AK9: variants seen among roughly 807,000 people sequenced by gnomAD.
The protein encoded by AK9 is adenylate kinase 9.
In AK9, 191 loss-of-function variants were observed where a neutral mutation model predicts 239.6. The ratio of observed to expected loss-of-function variants is 0.80; its 90% CI spans 0.71 to 0.90. The LOEUF is 0.90. Ranked by LOEUF, AK9 falls within the 40% of genes least tolerant of loss-of-function variation. The probability of loss-of-function intolerance (pLI) is 0.00; values close to 1 mark genes in which losing one functional copy is unlikely to be tolerated. For missense variants in AK9, 1,995 were observed against 2,214.7 expected (o/e 0.90, Z 1.99); for synonymous variants, 689 against 721.0 (o/e 0.96, Z 0.71).
intron 7 of AK9, among the ~76,000 whole-genome samples, chr6:109,658,841 T>C (rs1800042754): frequency 1.3e-5 from 2 of 152,156 alleles, no homozygotes; most frequent in Admixed American, 1.3e-4. Context: ...AGTCATTCTT[T>C]ATAAATTACC....
intron 17 of AK9, among the ~76,000 whole-genome samples, chr6:109,592,816 C>T (rs1176493552): frequency 6.6e-6 from 1 of 151,632 alleles, no homozygotes; most frequent in East Asian, 1.9e-4. Context: ...TTCACATTGA[C>T]GTTAGATAGT....
chr6:109,540,775 C>A (rs916683720), intron 27 of AK9, among the ~76,000 whole-genome samples: 6 of 152,140 alleles, frequency 3.9e-5, no homozygotes, highest in African/African-American at 1.4e-4. Context: ...CTGGCAGGGT[C>A]AATTTCATTC....
In AK9 at chr6:109,616,316, T is replaced by A. The variant is rs191342303; in HGVS notation, c.1400-1836A>T. Among the ~76,000 whole-genome samples, 430 of 152,286 alleles carry A rather than the reference T, an allele frequency of 2.8e-3. 2 individuals carry two copies. Among genetic ancestry groups the A allele is most frequent in the African/African-American group, 0.01 (418 of 41,582 alleles). On this transcript the variant is annotated intron_variant, in intron 13 of 40. Transcript: ENST00000424296. ...TTGGAAAATACATTAGTATAACTGATCAAATCAATAGGTCAAAGGATTAAA... is the reference window on the plus strand; with the variant it reads ...TTGGAAAATACATTAGTATAACTGAACAAATCAATAGGTCAAAGGATTAAA...
intron 5 of AK9, among the ~76,000 whole-genome samples, chr6:109,667,596 C>T (rs1801401416): frequency 6.6e-6 from 1 of 151,568 alleles, no homozygotes; most frequent in Non-Finnish European, 1.5e-5. Flanking sequence ...TGTTCCCCTT[C>T]CTGTGTCCAA....
At chr6:109,571,867 C>T (rs1316650401) in intron 21 of AK9, among the ~76,000 whole-genome samples, 1 of 152,116 alleles carries the variant, frequency 6.6e-6, no homozygotes, top group East Asian at 1.9e-4. Flanking sequence ...ATTGACAAAA[C>T]TTATTTTTCA....
At chr6:109,586,175 TC>T in intron 17 of AK9, 103 bp from the exon 18 acceptor site, 2 of 1,024,190 alleles carry the variant, frequency 2.0e-6, no homozygotes, top group Non-Finnish European at 2.7e-6. Flanking sequence ...TCTTTTGAGT[TC>T]TTCTTTCAAA....
chr6:109,646,189 C>G (rs1403811103), intron 8 of AK9, among the ~76,000 whole-genome samples: 1 of 152,176 alleles, frequency 6.6e-6, no homozygotes, highest in Admixed American at 6.5e-5. Context: ...CTCTAATCCT[C>G]CAAAGGATTG....
chr6:109,633,274 T>C lies in AK9; in HGVS notation c.983A>G (p.Tyr328Cys). Residue 328 changes from tyrosine to cysteine, a missense_variant, in exon 11 of 41, where the codon TAC (tyrosine) becomes TGC (cysteine). Physicochemically the swap from Tyr to Cys is radical, Grantham distance 194. This residue lies in a region of AK9 where 1,290 missense variants were observed against 1,392.7 expected (regional missense o/e 0.93). Transcript: ENST00000424296. ...TCCCCATTTACTTCTTTGCCATCTG[T>C]ATCTTGGTGCAATAAGTTTATAAGA... ...LASYKLIAPRYRWQRSKWGRT... is the reference protein window; with the variant it reads ...LASYKLIAPRCRWQRSKWGRT... 1 of 1,609,044 alleles carries C rather than the reference T, an allele frequency of 6.2e-7. No homozygotes were observed.
At chr6:109,685,012 C>T (rs935948807) in intron 1 of AK9, among the ~76,000 whole-genome samples, 34 of 147,582 alleles carry the variant, frequency 2.3e-4, no homozygotes, top group African/African-American at 6.8e-4. Context: ...ATTGGAGAAA[C>T]GCAAAACCAC....
chr6:109,544,397 G>A (rs1245182684), intron 26 of AK9, among the ~76,000 whole-genome samples: 1 of 152,118 alleles, frequency 6.6e-6, no homozygotes, highest in African/African-American at 2.4e-5. Flanking sequence ...CCCCAATGCT[G>A]GAGGTGGGGT....
chr6:109,500,034 TACACACACACAC>T (rs36086518), intron 35 of AK9, among the ~76,000 whole-genome samples: 2,039 of 141,462 alleles, frequency 0.014, 50 homozygotes, highest in African/African-American at 0.051. Context: ...ATATATATGA[TACACACACACAC>T]ACACACACAC....
chr6:109,551,245 C>T (rs1002957638), intron 24 of AK9, among the ~76,000 whole-genome samples: 10 of 151,972 alleles, frequency 6.6e-5, no homozygotes, highest in African/African-American at 2.2e-4. Context: ...TGGCTGCGTG[C>T]GGGGGCTCAT....
At chr6:109,509,804 C>T (rs1366032916) in intron 32 of AK9, among the ~76,000 whole-genome samples, 1 of 152,096 alleles carries the variant, frequency 6.6e-6, no homozygotes, top group African/African-American at 2.4e-5. Flanking sequence ...AGGAACCCTG[C>T]CCCTTGTGAG....
Position 109,683,046 on chromosome 6 carries a change from C to T in AK9, c.-11-7290G>A, listed in dbSNP as rs540216318. Among the ~76,000 whole-genome samples the T allele has an allele frequency of 2.0e-3, 301 of 152,282 alleles. 2 individuals carry two copies. Among genetic ancestry groups the T allele is most frequent in the Non-Finnish European group, 3.6e-3 (248 of 68,030 alleles). On this transcript the variant is annotated intron_variant, in intron 1 of 40. Transcript: ENST00000424296. ...GCAGCAGCACATCAAAAAGCTTATCCACCACAATCAAGTCAGCTTTATCCC... is the reference window on the plus strand; with the variant it reads ...GCAGCAGCACATCAAAAAGCTTATCTACCACAATCAAGTCAGCTTTATCCC...
rs145512856 is a variant in AK9 at position 109,592,329 on chromosome 6, A to C, written c.1843-6257T>G. Reference sequence around the variant, plus strand: ...AAACACTGCAGCTGCAATTGCCACCAGTGAGTATTCTAGGGGCAAATAGGA... The same window carrying C: ...AAACACTGCAGCTGCAATTGCCACCCGTGAGTATTCTAGGGGCAAATAGGA... On this transcript the variant is annotated intron_variant, in intron 17 of 40. Coordinates refer to ENST00000424296, the MANE Select transcript of AK9 (RefSeq NM_001145128.3). Among the ~76,000 whole-genome samples the C allele has an allele frequency of 7.5e-3, 1,136 of 152,306 alleles. 17 individuals are homozygous for C. Among genetic ancestry groups the C allele is most frequent in the African/African-American group, 0.026 (1,086 of 41,556 alleles).
At chr6:109,588,448 T>TGA (rs1308414279) in intron 17 of AK9, among the ~76,000 whole-genome samples, 1 of 152,192 alleles carries the variant, frequency 6.6e-6, no homozygotes, top group Non-Finnish European at 1.5e-5. Flanking sequence ...GGTTATTTGT[T>TGA]TTTCTCTTCT....
intron 8 of AK9, among the ~76,000 whole-genome samples, chr6:109,646,432 G>A (rs1362326752): frequency 6.6e-6 from 1 of 152,122 alleles, no homozygotes; most frequent in Non-Finnish European, 1.5e-5. Context: ...CATGGCATGA[G>A]AACTACGTGA....
chr6:109,546,302 A>G (rs2128156808), intron 25 of AK9, among the ~76,000 whole-genome samples, 175 bp from the exon 26 acceptor site: 1 of 152,370 alleles, frequency 6.6e-6, no homozygotes, highest in East Asian at 1.9e-4. Context: ...TAACATAATT[A>G]GTTCCATCAA....
chr6:109,589,399 A>G (rs769708206), intron 17 of AK9, among the ~76,000 whole-genome samples: 9 of 152,136 alleles, frequency 5.9e-5, no homozygotes, highest in Admixed American at 1.3e-4. Context: ...GTGTACAGAA[A>G]TGGCAATTTT....
Sources: allele counts gnomAD v4.1 joint callset (sites outside exome capture counted in the v4.1 genomes callset), GRCh38; gene constraint gnomAD v4.1.1; regional missense constraint gnomAD v4.1.1; transcripts MANE v1.5; gene names NCBI Gene and HGNC (gene_info 2026-07-23, HGNC 2026-07-21).